The following EIF2B1 variants were observed in gnomAD, a reference collection of about 807,000 sequenced individuals.
The protein encoded by EIF2B1 is eukaryotic translation initiation factor 2B subunit alpha.
Under a neutral mutation model 36.8 loss-of-function variants are expected in EIF2B1, and 30 were observed. That is an observed-to-expected ratio of 0.81 (90% CI 0.61 to 1.10). EIF2B1 has a LOEUF of 1.10. Ranked by LOEUF, EIF2B1 falls within the 50% of genes least tolerant of loss-of-function variation. EIF2B1 has a pLI of 0.00. For synonymous variants in EIF2B1, 139 were observed against 142.2 expected, an observed-to-expected ratio of 0.98 and a Z score of 0.16; for missense variants, 271 against 374.8, an observed-to-expected ratio of 0.72 and a Z score of 2.29.
At chr12:123,627,691 A>T (rs912950322) in intron 4 of EIF2B1, among the ~76,000 whole-genome samples, 1 of 151,760 alleles carries the variant, frequency 6.6e-6, no homozygotes, top group African/African-American at 2.4e-5. Flanking sequence ...TACAAAAAAT[A>T]ACAACAAAAA....
chr12:123,628,572 C>T (rs941160836), intron 4 of EIF2B1, among the ~76,000 whole-genome samples: 1 of 151,928 alleles, frequency 6.6e-6, no homozygotes, highest in South Asian at 2.1e-4. Context: ...CCATGTTGCC[C>T]GGGCTGGTCT....
chr12:123,624,689 G>C, intron 7 of EIF2B1, 98 bp downstream of exon 7: 1 of 1,032,850 alleles, frequency 9.7e-7, no homozygotes, highest in South Asian at 1.3e-5. Context: ...AGTGAAGCAG[G>C]ATTAGAAGGA....
intron 6 of EIF2B1, among the ~76,000 whole-genome samples, chr12:123,625,811 C>T (rs904808398): frequency 6.6e-6 from 1 of 152,192 alleles, no homozygotes; most frequent in African/African-American, 2.4e-5. Context: ...CTGATCCCAA[C>T]TGACCTTTGT....
intron 4 of EIF2B1, chr12:123,629,963 T>C (rs970735564): frequency 3.2e-6 from 2 of 632,896 alleles, no homozygotes; most frequent in Admixed American, 2.4e-5. Flanking sequence ...GCCCCTTACA[T>C]GTCTTGCCTC....
intron 5 of EIF2B1, 50 bp downstream of exon 5, chr12:123,626,994 T>C (rs780276190): frequency 9.1e-6 from 14 of 1,545,100 alleles, no homozygotes; most frequent in Non-Finnish European, 1.3e-5. Flanking sequence ...ATCCGCAGTT[T>C]GCTCTGTAAA....
At chr12:123,633,475 A>G (rs1955218948) in intron 1 of EIF2B1, 70 bp downstream of exon 1, 2 of 1,604,628 alleles carry the variant, frequency 1.2e-6, no homozygotes, top group Non-Finnish European at 1.7e-6. Flanking sequence ...CTCAGCCTGG[A>G]TGTGAGAGGT....
intron 5 of EIF2B1, 72 bp downstream of exon 5, chr12:123,626,972 T>C (rs1465811592): frequency 1.5e-6 from 2 of 1,371,734 alleles, no homozygotes; most frequent in South Asian, 1.2e-5. Flanking sequence ...GTTCTGATCC[T>C]GTTGGACTGT....
chr12:123,633,438 G>A (rs1428973485), intron 1 of EIF2B1, 107 bp downstream of exon 1: 10 of 1,537,270 alleles, frequency 6.5e-6, no homozygotes, highest in Non-Finnish European at 9.0e-6. Flanking sequence ...GGAGCAGCCT[G>A]AAATTCAAAA....
chr12:123,630,232 C>A lies in EIF2B1; in HGVS notation c.306G>T (p.Arg102Ser), dbSNP rs1955177960. 3 of 1,614,058 alleles carry A rather than the reference C, an allele frequency of 1.9e-6. No homozygotes were observed. The East Asian group carries it at 6.7e-5, about 36-fold the overall frequency. The stretch of plus-strand genomic sequence containing the variant: ...TTTTGTTTCTTGACAGTGATATTCT[C>A]CTGAGAAAAAGTTCTCCCCGCTCAA... ...IMIERGELFL[R>S]RISLSRNKIA... Residue 102 changes from arginine to serine, a missense_variant, in exon 4 of 9, where the codon AGG becomes AGT. Arg to Ser is a moderately radical substitution (Grantham distance 110, BLOSUM62 -1). Transcript: ENST00000424014. The surrounding 1 kb of genome is among the most constrained non-coding windows in gnomAD (Gnocchi z 4.6).
chr12:123,623,747 T>C (rs1955126108), intron 7 of EIF2B1, among the ~76,000 whole-genome samples: 1 of 152,178 alleles, frequency 6.6e-6, no homozygotes. Context: ...GTGCTGGGAT[T>C]ATAGGCGTGA....
rs68169681 is a variant in EIF2B1, at chr12:123,620,580, T to TTATATATATATATA, written c.*1162_*1175dup. 8 of 65,356 alleles carry TTATATATATATATA rather than the reference T, an allele frequency of 1.2e-4. No homozygotes were observed. The highest frequency in any genetic ancestry group is 1.9e-4 in the Admixed American group (1 of 5,140). 4.0% of individuals were successfully genotyped at this position (65,356 alleles called of 1,614,324 possible). A position where few individuals can be genotyped will look rare whatever the true frequency, so the allele number is the denominator to read the frequency against. The stretch of plus-strand genomic sequence containing the variant: ...GGTCACATATAGACATATGTACATA[T>TTATATATATATATA]TATATATATATATATATATATATAT... On this transcript the variant is annotated 3_prime_UTR_variant, in exon 9 of 9. Coordinates refer to ENST00000424014, the MANE Select transcript of EIF2B1 (RefSeq NM_001414.4).
chr12:123,630,095 G>T lies in EIF2B1; in HGVS notation c.369+74C>A. 7.6e-7 allele frequency: 1 copy of T among 1,311,208 alleles called. No homozygotes were observed. Among genetic ancestry groups the T allele is most frequent in the Non-Finnish European group, 1.1e-6 (1 of 909,356 alleles). 81.2% of individuals were successfully genotyped at this position (1,311,208 alleles called of 1,614,324 possible). On this transcript the variant is annotated intron_variant, in intron 4 of 8. Coordinates refer to ENST00000424014, the MANE Select transcript of EIF2B1 (RefSeq NM_001414.4). The surrounding 1 kb of genome is among the most constrained non-coding windows in gnomAD (Gnocchi z 4.6). The stretch of plus-strand genomic sequence containing the variant: ...GTCTCCACAGCAAGTGAGTGGCAGA[G>T]CCCGGATTTTACCCCAGGCAGTCGG...
intron 7 of EIF2B1, among the ~76,000 whole-genome samples, chr12:123,623,154 G>A (rs1955120255): frequency 1.3e-5 from 2 of 152,172 alleles, no homozygotes; most frequent in Admixed American, 1.3e-4. Flanking sequence ...GCCGAGGTGG[G>A]TGGATCACCT....
intron 6 of EIF2B1, 55 bp from the exon 7 acceptor site, chr12:123,624,917 T>C (rs1434361795): frequency 3.4e-6 from 5 of 1,457,718 alleles, no homozygotes; most frequent in Non-Finnish European, 4.8e-6. Flanking sequence ...ACGAGTAGCA[T>C]CATCATCTGC....
chr12:123,620,580 TTATATATA>T lies in EIF2B1; in HGVS notation c.*1168_*1175del, dbSNP rs68169681. 7.3e-3 allele frequency: 477 copies of T among 65,260 alleles called. 8 individuals are homozygous for T. The highest frequency in any genetic ancestry group is 0.035 in the East Asian group (25 of 722). The allele number at this position is 65,260 out of a possible 1,614,324, so 4.0% of individuals were successfully genotyped here. On this transcript the variant is annotated 3_prime_UTR_variant, in exon 9 of 9. Coordinates refer to ENST00000424014, the MANE Select transcript of EIF2B1 (RefSeq NM_001414.4). ...GGTCACATATAGACATATGTACATA[TTATATATA>T]TATATATATATATATATATATATAT...
chr12:123,626,596 A>G, intron 5 of EIF2B1, 103 bp from the exon 6 acceptor site: 1 of 1,303,924 alleles, frequency 7.7e-7, no homozygotes, highest in African/African-American at 1.4e-5. Context: ...AACTCACATT[A>G]ATACTAATGG....
chr12:123,624,883 T>C, intron 6 of EIF2B1, 21 bp from the exon 7 acceptor site: 2 of 1,606,642 alleles, frequency 1.2e-6, no homozygotes, highest in East Asian at 2.2e-5. Flanking sequence ...AAAAAGCTTT[T>C]CATGCTTTAT....
rs1188652888 is a variant in EIF2B1, at chr12:123,630,857, G to A, written c.116-324C>T. On this transcript the variant is annotated intron_variant, in intron 2 of 8. Coordinates refer to ENST00000424014, the MANE Select transcript of EIF2B1 (RefSeq NM_001414.4). The surrounding 1 kb of genome is among the most constrained non-coding windows in gnomAD (Gnocchi z 4.6). ...ACATTAAGTAGCAGCGGCAGATGAG[G>A]TCTGCAAGGTGGTATGGGTGAGGCT... Among the ~76,000 whole-genome samples the A allele has an allele frequency of 2.6e-5, 4 of 152,072 alleles. No individual in the cohort carries two copies. In the East Asian group the frequency reaches 7.7e-4, roughly 29 times the overall value.
chr12:123,622,558 TG>T lies in EIF2B1; in HGVS notation c.753+77del, dbSNP rs1203021825. 20 of 1,594,944 alleles carry T rather than the reference TG, an allele frequency of 1.3e-5. No individual in the cohort carries two copies. The East Asian group carries it at 4.0e-4, about 32-fold the overall frequency. On this transcript the variant is annotated intron_variant, in intron 8 of 8. Transcript: ENST00000424014. ...TAGCAATAGGAAGTGAAAAAATTACTGGAACATTCTTAGGACTACAATTTCC... is the reference window on the plus strand; with the variant it reads ...TAGCAATAGGAAGTGAAAAAATTACTGAACATTCTTAGGACTACAATTTCC...
Sources: gnomAD v4.1 joint callset for allele counts (sites outside exome capture counted in the v4.1 genomes callset) on GRCh38, gnomAD v4.1.1 for gene constraint, Gnocchi (gnomAD v3.1) non-coding constraint, MANE v1.5 for transcripts, NCBI Gene and HGNC (gene_info 2026-07-23, HGNC 2026-07-21) for gene names.